The following EYS variants were observed in gnomAD, a reference collection of about 807,000 sequenced individuals.
EYS encodes protein eyes shut homolog.
In EYS, 250 loss-of-function variants were observed where a neutral mutation model predicts 282.1. That is an observed-to-expected ratio of 0.89 (90% confidence interval 0.80 to 0.98). EYS has a LOEUF of 0.98. EYS is among the 50% of genes least tolerant of loss of function. The probability of loss-of-function intolerance (pLI) is 0.00; values close to 1 mark genes in which losing one functional copy is unlikely to be tolerated. For missense variants in EYS, 4,016 were observed against 3,709.0 expected (o/e 1.08, Z -2.15); for synonymous variants, 1,355 against 1,282.9 (o/e 1.06, Z -1.20).
chr6:64,704,462 A>ATATAATACTTATAATTATATTATAAT (rs1554195034), intron 22 of EYS, among the ~76,000 whole-genome samples: 3 of 79,788 alleles, frequency 3.8e-5, no homozygotes, highest in Non-Finnish European at 7.5e-5. Context: ...TATAATTATA[A>ATATAATACTTATAATTATATTATAAT]TATAATACTT....
intron 12 of EYS, among the ~76,000 whole-genome samples, chr6:65,189,066 A>AT (rs964359846): frequency 1.3e-5 from 2 of 151,400 alleles, no homozygotes; most frequent in African/African-American, 2.4e-5. Context: ...TACAGTTTTA[A>AT]TTTTTTTTAT....
At chr6:64,132,200 TA>T (rs1482518021) in intron 31 of EYS, among the ~76,000 whole-genome samples, 2 of 152,068 alleles carry the variant, frequency 1.3e-5, no homozygotes, top group African/African-American at 4.8e-5. Flanking sequence ...TTGTTAGTAT[TA>T]AAAGTAAGGT....
chr6:63,945,906 A>G (rs1765382984), intron 35 of EYS, among the ~76,000 whole-genome samples: 1 of 152,188 alleles, frequency 6.6e-6, no homozygotes, highest in African/African-American at 2.4e-5. Context: ...CTTCACAAGT[A>G]TTTGTCCCAA....
At chr6:65,518,045 T>C (rs149842496) in intron 2 of EYS, among the ~76,000 whole-genome samples, 374 of 152,176 alleles carry the variant, frequency 2.5e-3, no homozygotes, top group African/African-American at 8.8e-3. Context: ...CATATATACA[T>C]TATCTAAATC....
chr6:65,644,533 T>G (rs1826150), intron 1 of EYS, among the ~76,000 whole-genome samples: 53,083 of 152,060 alleles, frequency 0.35, 11,649 homozygotes, highest in Non-Finnish European at 0.48. Flanking sequence ...TTGCTAGAGA[T>G]CTAGACATCC....
chr6:63,985,168 G>C (rs926733113), intron 34 of EYS, among the ~76,000 whole-genome samples: 2 of 151,630 alleles, frequency 1.3e-5, no homozygotes, highest in Non-Finnish European at 3.0e-5. Flanking sequence ...AAGGACAATA[G>C]TCTTTTTAGG....
rs982871789 is a variant in EYS at position 64,912,709 on chromosome 6, A to G, written c.2416T>C (p.Cys806Arg). 1.1e-5 allele frequency: 17 copies of G among 1,484,086 alleles called. No individual in the cohort carries two copies. The highest frequency in any genetic ancestry group is 2.3e-5 in the Admixed American group (1 of 44,022). 91.9% of individuals were successfully genotyped at this position (1,484,086 alleles called of 1,614,324 possible). A position where few individuals can be genotyped will look rare whatever the true frequency, so the allele number is the denominator to read the frequency against. ...TCGCATTCATTTATTTCTTCACTAC[A>G]GTTCTGTCCAGTCCATCCAGATGTA... is the stretch of plus-strand genomic sequence containing the variant. The part of the protein sequence containing the change: ...ECTSGWTGQN[C>R]SEEINECDSD... The change falls in exon 16 of 43, where the codon TGT (cysteine) becomes CGT (arginine). Residue 806 changes from cysteine (C) to arginine (R), a missense_variant. Coordinates refer to ENST00000503581, the MANE Select transcript of EYS (RefSeq NM_001142800.2).
intron 19 of EYS, among the ~76,000 whole-genome samples, chr6:64,832,129 G>A (rs1023601920): frequency 7.2e-5 from 11 of 151,792 alleles, no homozygotes; most frequent in Admixed American, 2.6e-4. Flanking sequence ...TTATTTGAGG[G>A]CCCTGTGTAT....
chr6:65,487,029 C>A (rs1036630383), intron 5 of EYS, among the ~76,000 whole-genome samples: 1 of 152,104 alleles, frequency 6.6e-6, no homozygotes, highest in Admixed American at 6.6e-5. Context: ...GATTTTGTAT[C>A]CTGAGACTTT....
At chr6:63,782,766 T>C (rs1388720947) in intron 39 of EYS, among the ~76,000 whole-genome samples, 1 of 152,168 alleles carries the variant, frequency 6.6e-6, no homozygotes, top group Non-Finnish European at 1.5e-5. Context: ...TCTGCTCTGA[T>C]CTTAGTTATT....
intron 30 of EYS, among the ~76,000 whole-genome samples, chr6:64,296,731 C>T (rs1333185940): frequency 3.3e-5 from 5 of 151,118 alleles, no homozygotes; most frequent in African/African-American, 9.8e-5. Context: ...CTCAGCCTCC[C>T]GAGTAGCTGG....
chr6:64,617,482 CAT>C lies in EYS; in HGVS notation c.3618_3619del (p.Val1208SerfsTer2), dbSNP rs1173948061. On this transcript the variant is annotated frameshift_variant, in exon 24 of 43. Transcript: ENST00000503581. LOFTEE classifies it high-confidence loss of function. Reference sequence around the variant, plus strand: ...ATTCTCCATGCAGAGTTCATGAACACATGAGTTGGGAATGCACTCAAGCTCAT... The same window carrying C: ...ATTCTCCATGCAGAGTTCATGAACACGAGTTGGGAATGCACTCAAGCTCAT... 7 of 1,551,016 alleles carry C rather than the reference CAT, an allele frequency of 4.5e-6. No homozygotes were observed. The highest frequency in any genetic ancestry group is 6.1e-6 in the Non-Finnish European group (7 of 1,146,522).
intron 2 of EYS, among the ~76,000 whole-genome samples, chr6:65,543,177 C>T (rs2127323561): frequency 6.6e-6 from 1 of 151,814 alleles, no homozygotes; most frequent in East Asian, 1.9e-4. Flanking sequence ...TGCCACCATG[C>T]CGGGCTAATT....
At position 65,364,726 on chromosome 6, in the gene EYS, C is replaced by T. The variant is rs542947032; in HGVS notation, c.1300-11109G>A. Among the ~76,000 whole-genome samples the T allele has an allele frequency of 7.5e-4, 114 of 151,676 alleles. 3 individuals are homozygous for T. The highest frequency in any genetic ancestry group is 1.3e-3 in the Non-Finnish European group (86 of 67,932). ...TTCAGCTCCTTCTCCCCGGATGACA[C>T]CATGGAGCTCTCAACATCTTTACTT... On this transcript the variant is annotated intron_variant, in intron 8 of 42. Coordinates refer to ENST00000503581, the MANE Select transcript of EYS (RefSeq NM_001142800.2).
intron 33 of EYS, among the ~76,000 whole-genome samples, chr6:64,015,732 T>G (rs1038720198): frequency 4.6e-5 from 7 of 152,168 alleles, no homozygotes; most frequent in African/African-American, 1.7e-4. Flanking sequence ...GACATTGTCA[T>G]TCTCTGAGAG....
chr6:64,616,067 A>G (rs952595172), intron 24 of EYS, among the ~76,000 whole-genome samples: 7 of 152,138 alleles, frequency 4.6e-5, no homozygotes, highest in East Asian at 1.9e-4. Context: ...TTTTATAGAT[A>G]TTTGGTAGTA....
rs143214956 is a variant in EYS at position 65,220,020 on chromosome 6, C to A, written c.2023+75843G>T. ...TTGAGGGGGAGGCATAAAGGCAAAC[C>A]ATATCAATAATTGTATCTTTCTTCC... is the stretch of plus-strand genomic sequence containing the variant. On this transcript the variant is annotated intron_variant, in intron 12 of 42. Transcript: ENST00000503581. Among the ~76,000 whole-genome samples, 10 of 152,126 alleles carry A rather than the reference C, an allele frequency of 6.6e-5. No individual in the cohort carries two copies. The East Asian group carries it at 1.9e-3, about 29-fold the overall frequency.
chr6:64,852,686 G>A (rs1411128402), intron 19 of EYS, among the ~76,000 whole-genome samples: 1 of 152,008 alleles, frequency 6.6e-6, no homozygotes, highest in Non-Finnish European at 1.5e-5. Flanking sequence ...TATAAGATTG[G>A]GTGAAGACAT....
chr6:65,421,907 A>G (rs1349672292), intron 5 of EYS, among the ~76,000 whole-genome samples: 1 of 151,930 alleles, frequency 6.6e-6, no homozygotes, highest in Non-Finnish European at 1.5e-5. Context: ...AAGCAATTAC[A>G]ATAGTAACAT....
Sources: allele counts gnomAD v4.1 joint callset (sites outside exome capture counted in the v4.1 genomes callset), GRCh38; gene constraint gnomAD v4.1.1; transcripts MANE v1.5; gene names NCBI Gene and HGNC (gene_info 2026-07-23, HGNC 2026-07-21).